SORCS3: variants seen among roughly 807,000 people sequenced by gnomAD.
The protein encoded by SORCS3 is sortilin related VPS10 domain containing receptor 3.
SORCS3 carries 57 observed loss-of-function variants against 146.3 expected under a neutral mutation model. That is an observed-to-expected ratio of 0.39 (90% CI 0.31 to 0.49). The LOEUF (loss-of-function observed/expected upper bound fraction) is 0.49, where lower values mean the gene tolerates loss of function less well. Ranked by LOEUF, SORCS3 falls within the 20% of genes least tolerant of loss-of-function variation. The pLI, the probability that SORCS3 is intolerant of heterozygous loss-of-function variation, is 0.92. For synonymous variants in SORCS3, 653 were observed against 618.5 expected (o/e 1.06, Z -0.83); for missense variants, 1,341 against 1,575.5 (o/e 0.85, Z 2.52).
At chr10:105,026,821 C>T (rs2055235096) in intron 4 of SORCS3, among the ~76,000 whole-genome samples, 1 of 152,084 alleles carries the variant, frequency 6.6e-6, no homozygotes, top group African/African-American at 2.4e-5. Flanking sequence ...ATACTGCGGA[C>T]TACAAGAGGT....
At chr10:105,208,595 C>T (rs1001661951) in intron 16 of SORCS3, among the ~76,000 whole-genome samples, 21 of 150,068 alleles carry the variant, frequency 1.4e-4, no homozygotes, top group African/African-American at 4.6e-4. Flanking sequence ...ATGTAAAGCA[C>T]CTCAATAGCA....
intron 2 of SORCS3, among the ~76,000 whole-genome samples, chr10:104,885,741 C>T (rs1305585610): frequency 6.6e-6 from 1 of 152,140 alleles, no homozygotes; most frequent in Non-Finnish European, 1.5e-5. Context: ...ATGACTATCC[C>T]ATTATTCTTG....
chr10:104,832,315 A>G (rs1203421724), intron 1 of SORCS3, among the ~76,000 whole-genome samples: 6 of 152,158 alleles, frequency 3.9e-5, no homozygotes, highest in Admixed American at 2.0e-4. Context: ...CTCCTTGACA[A>G]TAGGAACAAA....
intron 2 of SORCS3, among the ~76,000 whole-genome samples, chr10:104,876,524 A>G (rs2018573317): frequency 1.3e-5 from 2 of 152,230 alleles, no homozygotes; most frequent in African/African-American, 4.8e-5. Context: ...AAATAGTAAT[A>G]TCTCAGGATG....
intron 4 of SORCS3, among the ~76,000 whole-genome samples, chr10:105,042,030 G>A (rs2055341752): frequency 1.3e-5 from 2 of 152,194 alleles, no homozygotes; most frequent in Admixed American, 6.5e-5. Context: ...TTTGTTAATT[G>A]TGAAATAGGA....
chr10:105,208,348 A>G lies in SORCS3; in HGVS notation c.2262-2789A>G, dbSNP rs1221550837. On this transcript the variant is annotated intron_variant, in intron 16 of 26. Transcript: ENST00000369701. ...AGAGTGAGACTCTGTCTCAGAGAGG[A>G]AAAAAAAAAAAAAAAGAGAAATAAG... is the stretch of plus-strand genomic sequence containing the variant. Among the ~76,000 whole-genome samples, 5 of 136,010 alleles carry G rather than the reference A, an allele frequency of 3.7e-5. No homozygotes were observed. The East Asian group carries it at 6.4e-4, about 17-fold the overall frequency. 89.2% of individuals were successfully genotyped at this position (136,010 alleles called of 152,430 possible).
intron 3 of SORCS3, among the ~76,000 whole-genome samples, chr10:104,975,037 G>C (rs1023211607): frequency 3.9e-5 from 6 of 152,042 alleles, no homozygotes; most frequent in Non-Finnish European, 7.4e-5. Flanking sequence ...ACTCTCTTCT[G>C]ACTTGTAGAG....
intron 1 of SORCS3, among the ~76,000 whole-genome samples, chr10:104,821,142 C>T (rs1017020789): frequency 6.6e-6 from 1 of 152,192 alleles, no homozygotes; most frequent in African/African-American, 2.4e-5. Flanking sequence ...CACTGTGTAC[C>T]TTCAGCAACT....
At chr10:104,759,916 A>C (rs1437225782) in intron 1 of SORCS3, among the ~76,000 whole-genome samples, 3 of 152,182 alleles carry the variant, frequency 2.0e-5, no homozygotes, top group Admixed American at 2.0e-4. Context: ...TGGACAGAAT[A>C]ATTTCAGATT....
In SORCS3 at chr10:104,814,255, G is replaced by A. The variant is rs1364797313; in HGVS notation, c.628-28537G>A. ...TCTCTCTTCCTACCTGCAGTGAGTA[G>A]TATTACTAGCCTTTTCTATATTCTT... On this transcript the variant is annotated intron_variant, in intron 1 of 26. Transcript: ENST00000369701. Among the ~76,000 whole-genome samples, 3 of 152,172 alleles carry A rather than the reference G, an allele frequency of 2.0e-5. 1 individual carries two copies. In the South Asian group the frequency reaches 6.2e-4, roughly 32 times the overall value.
At chr10:104,892,721 CA>C (rs370321831) in intron 2 of SORCS3, among the ~76,000 whole-genome samples, 17,668 of 146,466 alleles carry the variant, frequency 0.12, 1,115 homozygotes, top group South Asian at 0.27. Flanking sequence ...GATTCTGCCT[CA>C]AAAAAAAAAA....
chr10:104,939,457 C>G (rs1201368768), intron 3 of SORCS3, among the ~76,000 whole-genome samples: 4 of 152,188 alleles, frequency 2.6e-5, no homozygotes, highest in Non-Finnish European at 4.4e-5. Context: ...AATGTCCGAT[C>G]AAAGCAGGTG....
At chr10:105,075,550 T>A (rs2055583424) in intron 5 of SORCS3, among the ~76,000 whole-genome samples, 1 of 152,058 alleles carries the variant, frequency 6.6e-6, no homozygotes, top group South Asian at 2.1e-4. Context: ...ATGGGTGTGG[T>A]CCTTGCTGAT....
chr10:104,703,407 C>T (rs919373622), intron 1 of SORCS3, among the ~76,000 whole-genome samples: 8 of 152,106 alleles, frequency 5.3e-5, no homozygotes, highest in Non-Finnish European at 1.0e-4. Context: ...TTAATAATTG[C>T]CATTCTGACT....
intron 1 of SORCS3, among the ~76,000 whole-genome samples, chr10:104,651,984 A>G (rs2015567147): frequency 6.6e-6 from 1 of 151,762 alleles, no homozygotes; most frequent in South Asian, 2.1e-4. Flanking sequence ...GGGTTGGCTA[A>G]CTCTGAGACA....
chr10:104,857,491 C>T (rs1251185014), intron 2 of SORCS3, among the ~76,000 whole-genome samples: 1 of 151,974 alleles, frequency 6.6e-6, no homozygotes, highest in Non-Finnish European at 1.5e-5. Flanking sequence ...TTAATTTATG[C>T]ATTTATGTAT....
chr10:105,249,225 A>G (rs1452793095), intron 22 of SORCS3, among the ~76,000 whole-genome samples: 1 of 152,230 alleles, frequency 6.6e-6, no homozygotes, highest in Non-Finnish European at 1.5e-5. Context: ...TTGGGAAACA[A>G]TAGTGATTTG....
In SORCS3 at chr10:105,143,155, A is replaced by G. The variant is rs530388610; in HGVS notation, c.1302+3669A>G. The stretch of plus-strand genomic sequence containing the variant: ...TGGCCACCTGCATGCCAAATCAAAT[A>G]GATGCCTCTACATCTTTATTGCTTT... On this transcript the variant is annotated intron_variant, in intron 8 of 26. Coordinates refer to ENST00000369701, the MANE Select transcript of SORCS3 (RefSeq NM_014978.3). 3.3e-5 allele frequency among the ~76,000 whole-genome samples: 5 copies of G among 152,298 alleles called. No individual in the cohort carries two copies. In the East Asian group the frequency reaches 9.7e-4, roughly 29 times the overall value.
chr10:105,047,474 GA>G (rs774418701), intron 5 of SORCS3, among the ~76,000 whole-genome samples: 13 of 151,986 alleles, frequency 8.6e-5, no homozygotes, highest in African/African-American at 1.4e-4. Flanking sequence ...ATTGCTGCAG[GA>G]AATTGTGCTG....
Sources: gnomAD v4.1 joint callset for allele counts (sites outside exome capture counted in the v4.1 genomes callset) on GRCh38, gnomAD v4.1.1 for gene constraint, MANE v1.5 for transcripts, NCBI Gene and HGNC (gene_info 2026-07-23, HGNC 2026-07-21) for gene names.